The following GNAL variants were observed in gnomAD, a reference collection of about 807,000 sequenced individuals.
GNAL encodes the protein G protein subunit alpha L.
A neutral mutation model predicts 55.1 loss-of-function variants in GNAL; 18 were observed. That is an observed-to-expected ratio of 0.33 (90% CI 0.23 to 0.48). The LOEUF (loss-of-function observed/expected upper bound fraction) is 0.48. Among genes scored for constraint, GNAL ranks in the 20% least tolerant of loss-of-function variants. The probability of loss-of-function intolerance (pLI) is 0.99; values close to 1 mark genes in which losing one functional copy is unlikely to be tolerated. For missense variants in GNAL, 412 were observed against 614.1 expected (o/e 0.67, Z 3.48); for synonymous variants, 253 against 237.0 (o/e 1.07, Z -0.62).
chr18:11,752,752 T>A lies in GNAL; in HGVS notation c.377-101T>A. 8.7e-7 allele frequency: 1 copy of A among 1,152,132 alleles called. No individual in the cohort carries two copies. Among genetic ancestry groups the A allele is most frequent in the Non-Finnish European group, 1.3e-6 (1 of 778,356 alleles). 71.4% of individuals were successfully genotyped at this position (1,152,132 alleles called of 1,614,324 possible). A position where few individuals can be genotyped will look rare whatever the true frequency, so the allele number is the denominator to read the frequency against. On this transcript the variant is annotated intron_variant, in intron 1 of 11. Coordinates refer to ENST00000334049, the MANE Select transcript of GNAL (RefSeq NM_182978.4). The surrounding 1 kb of genome is among the most constrained non-coding windows in gnomAD (Gnocchi z 4.5). ...CAGCCAGGAACCCGCGTGTAGGAAATCCCCGTGCTGGGGGAGGAGGATTGC... is the reference window on the plus strand; with the variant it reads ...CAGCCAGGAACCCGCGTGTAGGAAAACCCCGTGCTGGGGGAGGAGGATTGC...
Position 11,706,454 on chromosome 18 carries a change from G to C in GNAL, c.376+16515G>C, listed in dbSNP as rs574250627. 2.6e-5 allele frequency among the ~76,000 whole-genome samples: 4 copies of C among 152,088 alleles called. No homozygotes were observed. The South Asian group carries it at 6.2e-4, about 24-fold the overall frequency. On this transcript the variant is annotated intron_variant, in intron 1 of 11. Transcript: ENST00000334049. ...ATATCTGTGGCTGCTGACTGATCAG[G>C]GCGGTTGTTGCTGAAGACAGTTTCT... is the stretch of plus-strand genomic sequence containing the variant.
intron 4 of GNAL, among the ~76,000 whole-genome samples, chr18:11,803,556 T>C (rs2034573221): frequency 6.6e-6 from 1 of 152,254 alleles, no homozygotes; most frequent in African/African-American, 2.4e-5. Context: ...TTTGTGTATA[T>C]TTAAAGAGGA....
intron 11 of GNAL, among the ~76,000 whole-genome samples, chr18:11,878,945 A>G (rs568882740): frequency 4.2e-5 from 6 of 144,452 alleles, no homozygotes; most frequent in Admixed American, 2.7e-4. Context: ...TTGGGATTAA[A>G]AAGATATATA....
At chr18:11,724,904 G>A (rs1258241549) in intron 1 of GNAL, among the ~76,000 whole-genome samples, 3 of 152,140 alleles carry the variant, frequency 2.0e-5, no homozygotes. Context: ...CTAGAGACTT[G>A]TGCTGCAGTT....
chr18:11,733,097 A>G (rs1441120845), intron 1 of GNAL, among the ~76,000 whole-genome samples: 1 of 151,630 alleles, frequency 6.6e-6, no homozygotes, highest in Non-Finnish European at 1.5e-5. Flanking sequence ...GAAGACTCTG[A>G]TCTGTGCTCA....
At chr18:11,860,143 A>G (rs2036098846) in intron 5 of GNAL, among the ~76,000 whole-genome samples, 1 of 152,202 alleles carries the variant, frequency 6.6e-6, no homozygotes, top group South Asian at 2.1e-4. Flanking sequence ...CTCATTCATG[A>G]CAGTTGAGGT....
chr18:11,778,291 TG>T (rs2033838118), intron 4 of GNAL, among the ~76,000 whole-genome samples: 1 of 152,220 alleles, frequency 6.6e-6, no homozygotes, highest in African/African-American at 2.4e-5. Context: ...CAGGAACATC[TG>T]AACTATGACC....
intron 10 of GNAL, 138 bp downstream of exon 10, chr18:11,872,536 C>G (rs1484358610): frequency 1.7e-6 from 1 of 604,608 alleles, no homozygotes; most frequent in Non-Finnish European, 2.8e-6. Context: ...CTGCCCATAT[C>G]CTAAAGTATT....
intron 3 of GNAL, 65 bp downstream of exon 3, chr18:11,753,747 A>G: frequency 6.8e-7 from 1 of 1,475,464 alleles, no homozygotes; most frequent in Non-Finnish European, 9.5e-7. Flanking sequence ...AAAACTGTGT[A>G]GACAGAAATT....
intron 1 of GNAL, among the ~76,000 whole-genome samples, chr18:11,709,583 T>C (rs745534561): frequency 6.6e-6 from 1 of 152,154 alleles, no homozygotes; most frequent in Non-Finnish European, 1.5e-5. Context: ...TGAGATTGTT[T>C]TTTAATTTCA....
chr18:11,878,409 C>T (rs568465244), intron 11 of GNAL, among the ~76,000 whole-genome samples: 26 of 152,264 alleles, frequency 1.7e-4, no homozygotes, highest in African/African-American at 6.0e-4. Context: ...TATGATTGTG[C>T]CACTGCACCC....
At chr18:11,860,180 G>C (rs7228231) in intron 5 of GNAL, among the ~76,000 whole-genome samples, 24,290 of 152,062 alleles carry the variant, frequency 0.16, 3,307 homozygotes, top group African/African-American at 0.37. Context: ...GTTTCCTATC[G>C]CTATGAAAGG....
At chr18:11,798,791 A>G (rs1352956363) in intron 4 of GNAL, among the ~76,000 whole-genome samples, 1 of 152,178 alleles carries the variant, frequency 6.6e-6, no homozygotes, top group Non-Finnish European at 1.5e-5. Context: ...TGGGTGCTCA[A>G]TCACAAGCTA....
rs565419967 is a variant in GNAL, at chr18:11,689,874, G to A, written c.311G>A (p.Gly104Asp). 7 of 1,506,638 alleles carry A rather than the reference G, an allele frequency of 4.6e-6. No homozygotes were observed. In the South Asian group the frequency reaches 5.0e-5, roughly 11 times the overall value. 93.3% of individuals were successfully genotyped at this position (1,506,638 alleles called of 1,614,324 possible). ...AVKEARKVSRGIDRMLRDQKR... is the reference protein window; with the variant it reads ...AVKEARKVSRDIDRMLRDQKR... ...AAGGAGGCGAGGAAAGTGAGCCGGGGCATCGACCGCATGCTGCGCGACCAG... is the reference window on the plus strand; with the variant it reads ...AAGGAGGCGAGGAAAGTGAGCCGGGACATCGACCGCATGCTGCGCGACCAG... Residue 104 changes from glycine to aspartate, a missense_variant, in exon 1 of 12, where the codon GGC becomes GAC. This residue lies in a region of GNAL where 228 missense variants were observed against 194.8 expected (regional missense o/e 1.17). Coordinates refer to ENST00000334049, the MANE Select transcript of GNAL (RefSeq NM_182978.4).
At chr18:11,813,526 AATTAT>A (rs2034877062) in intron 4 of GNAL, among the ~76,000 whole-genome samples, 2 of 152,232 alleles carry the variant, frequency 1.3e-5, no homozygotes, top group African/African-American at 4.8e-5. Flanking sequence ...AAAAATACCT[AATTAT>A]TTTATTAGAA....
chr18:11,873,126 T>C (rs574850996), intron 10 of GNAL, among the ~76,000 whole-genome samples: 79 of 152,328 alleles, frequency 5.2e-4, no homozygotes, highest in African/African-American at 1.9e-3. Context: ...CAGAGGCTCA[T>C]AGGAGTGATT....
intron 1 of GNAL, among the ~76,000 whole-genome samples, chr18:11,741,769 G>A (rs1370058724): frequency 6.6e-6 from 1 of 152,176 alleles, no homozygotes; most frequent in Non-Finnish European, 1.5e-5. Context: ...TAAGAACAAG[G>A]AATTGAAGTC....
intron 6 of GNAL, among the ~76,000 whole-genome samples, chr18:11,863,810 A>G (rs982799398): frequency 7.2e-5 from 11 of 152,230 alleles, no homozygotes; most frequent in Admixed American, 4.6e-4. Context: ...CATCCAGTTC[A>G]TAAGGCTGAA....
intron 5 of GNAL, 47 bp downstream of exon 5, chr18:11,825,062 T>A: frequency 3.2e-5 from 19 of 589,926 alleles, no homozygotes; most frequent in Non-Finnish European, 5.1e-5. Context: ...AAGAATATGA[T>A]TGCATGCATG....
Sources: gnomAD v4.1 joint callset for allele counts (sites outside exome capture counted in the v4.1 genomes callset) on GRCh38, gnomAD v4.1.1 for gene constraint, gnomAD v4.1.1 regional missense constraint, Gnocchi (gnomAD v3.1) non-coding constraint, MANE v1.5 for transcripts, NCBI Gene and HGNC (gene_info 2026-07-23, HGNC 2026-07-21) for gene names.